The following PTPRQ variants were observed in gnomAD, a reference collection of about 807,000 sequenced individuals.
PTPRQ encodes phosphatidylinositol phosphatase PTPRQ.
In PTPRQ, 199 loss-of-function variants were observed where a neutral mutation model predicts 246.0. That is an observed-to-expected ratio of 0.81 (90% CI 0.72 to 0.91). The LOEUF (loss-of-function observed/expected upper bound fraction) is 0.91, where lower values mean the gene tolerates loss of function less well. Ranked by LOEUF, PTPRQ falls within the 40% of genes least tolerant of loss-of-function variation. The probability of loss-of-function intolerance (pLI) is 0.00; values close to 1 mark genes in which losing one functional copy is unlikely to be tolerated. For missense variants in PTPRQ, 2,624 were observed against 2,528.4 expected, an observed-to-expected ratio of 1.04 and a Z score of -0.81; for synonymous variants, 869 against 853.2, an observed-to-expected ratio of 1.02 and a Z score of -0.32.
chr12:80,558,168 C>CT (rs71094987), intron 25 of PTPRQ, among the ~76,000 whole-genome samples: 2,427 of 34,690 alleles, frequency 0.07, 104 homozygotes, highest in African/African-American at 0.26. Context: ...CTTTTCTTTT[C>CT]TTTCTTTTCT....
intron 26 of PTPRQ, among the ~76,000 whole-genome samples, chr12:80,594,026 TA>T (rs891855309): frequency 2.6e-5 from 4 of 151,790 alleles, no homozygotes; most frequent in African/African-American, 9.7e-5. Flanking sequence ...TCTGTTAGGT[TA>T]AAAAAAATTC....
chr12:80,493,478 A>G (rs945549416), intron 10 of PTPRQ, 23 bp downstream of exon 10: 41 of 1,541,614 alleles, frequency 2.7e-5, no homozygotes, highest in East Asian at 7.4e-5. Context: ...TTGATTTTCT[A>G]TAAAGTTCAT....
chr12:80,669,134 A>G lies in PTPRQ; in HGVS notation c.6320A>G (p.Lys2107Arg). 6.5e-7 allele frequency: 1 copy of G among 1,544,896 alleles called. No individual in the cohort carries two copies. Among genetic ancestry groups the G allele is most frequent in the Non-Finnish European group, 8.7e-7 (1 of 1,144,018 alleles). Residue 2107 changes from lysine to arginine, a missense_variant, in exon 40 of 45, where the codon AAA becomes AGA. Coordinates refer to ENST00000644991, the MANE Select transcript of PTPRQ (RefSeq NM_001145026.2). Reference sequence around the variant, plus strand: ...GTAATGCTAACACAGTGTTTTGAAAAAGGACGGGTAAGTTATTTGAAAATG... The same window carrying G: ...GTAATGCTAACACAGTGTTTTGAAAGAGGACGGGTAAGTTATTTGAAAATG... ...TLVMLTQCFE[K>R]GRIRCHQYWP... is the part of the protein sequence containing the mutation.
At chr12:80,622,022 G>T in intron 32 of PTPRQ, 39 bp from the exon 33 acceptor site, 1 of 1,203,420 alleles carries the variant, frequency 8.3e-7, no homozygotes. Flanking sequence ...AAAATCACAT[G>T]ATATGCAAAG....
At chr12:80,563,866 C>T (rs1007995735) in intron 25 of PTPRQ, among the ~76,000 whole-genome samples, 3 of 152,050 alleles carry the variant, frequency 2.0e-5, no homozygotes, top group South Asian at 2.1e-4. Context: ...TATGATGGTT[C>T]GGTGCCTTAT....
At chr12:80,564,388 A>G (rs1896920746) in intron 25 of PTPRQ, among the ~76,000 whole-genome samples, 1 of 152,088 alleles carries the variant, frequency 6.6e-6, no homozygotes, top group Non-Finnish European at 1.5e-5. Flanking sequence ...GCCTCCTTTC[A>G]TTTATTGTGA....
At chr12:80,462,386 C>G in intron 6 of PTPRQ, 1 of 192,206 alleles carries the variant, frequency 5.2e-6, no homozygotes, top group Non-Finnish European at 1.1e-5. Flanking sequence ...TGGAGCCCAC[C>G]ACAGCTCAAG....
chr12:80,554,153 G>GCA (rs1224589709), intron 25 of PTPRQ, among the ~76,000 whole-genome samples: 2 of 152,076 alleles, frequency 1.3e-5, no homozygotes, highest in African/African-American at 4.8e-5. Context: ...GTATTTGATA[G>GCA]CACAACAGGG....
At chr12:80,672,199 C>A (rs1355840785) in intron 42 of PTPRQ, among the ~76,000 whole-genome samples, 1 of 151,808 alleles carries the variant, frequency 6.6e-6, no homozygotes, top group Non-Finnish European at 1.5e-5. Context: ...TTCCTCTGGA[C>A]TATAAACTCT....
chr12:80,613,946 G>A (rs1898652899), intron 29 of PTPRQ, 110 bp downstream of exon 29: 1 of 1,263,046 alleles, frequency 7.9e-7, no homozygotes, highest in Non-Finnish European at 1.0e-6. Flanking sequence ...ATATCTTTTT[G>A]TGAGATTGTT....
chr12:80,578,454 G>A (rs529223365), intron 25 of PTPRQ, among the ~76,000 whole-genome samples: 1 of 151,818 alleles, frequency 6.6e-6, no homozygotes, highest in African/African-American at 2.4e-5. Context: ...GCAGTGGCGC[G>A]ATCTGGGCTC....
intron 25 of PTPRQ, among the ~76,000 whole-genome samples, chr12:80,577,975 A>T (rs1897319180): frequency 6.6e-6 from 1 of 152,204 alleles, no homozygotes; most frequent in Admixed American, 6.5e-5. Context: ...ATCTCTGAAG[A>T]CATAGTTTTA....
chr12:80,574,778 TATATTA>T (rs1424593093), intron 25 of PTPRQ, among the ~76,000 whole-genome samples: 1 of 152,228 alleles, frequency 6.6e-6, no homozygotes, highest in Non-Finnish European at 1.5e-5. Context: ...GTCAGCTATA[TATATTA>T]ATATACGTGT....
At chr12:80,663,411 G>A (rs748728327) in intron 39 of PTPRQ, among the ~76,000 whole-genome samples, 3 of 151,738 alleles carry the variant, frequency 2.0e-5, no homozygotes, top group Non-Finnish European at 2.9e-5. Flanking sequence ...ATACCCTCCC[G>A]TACGTACTCA....
At chr12:80,490,446 C>T (rs1015305953) in intron 9 of PTPRQ, among the ~76,000 whole-genome samples, 3 of 151,976 alleles carry the variant, frequency 2.0e-5, no homozygotes, top group African/African-American at 7.2e-5. Context: ...TCTCTGAAGA[C>T]TCCTAATTCT....
chr12:80,619,264 T>C (rs1043459345), intron 30 of PTPRQ, 120 bp from the exon 31 acceptor site: 1 of 1,169,446 alleles, frequency 8.6e-7, no homozygotes. Context: ...TCTCTATAAT[T>C]TGTTATTTAT....
intron 7 of PTPRQ, among the ~76,000 whole-genome samples, chr12:80,471,509 G>T (rs1325289401): frequency 1.3e-4 from 2 of 15,436 alleles, no homozygotes; most frequent in African/African-American, 2.8e-4. Context: ...ACAGAGTCTC[G>T]CTCTGTCGCC....
intron 35 of PTPRQ, among the ~76,000 whole-genome samples, chr12:80,646,382 G>A (rs1404376819): frequency 6.6e-6 from 1 of 152,074 alleles, no homozygotes; most frequent in Non-Finnish European, 1.5e-5. Context: ...TTCTAATAAG[G>A]CAATAATTCA....
At chr12:80,558,250 C>A (rs935108545) in intron 25 of PTPRQ, among the ~76,000 whole-genome samples, 1 of 151,448 alleles carries the variant, frequency 6.6e-6, no homozygotes, top group Non-Finnish European at 1.5e-5. Flanking sequence ...TCACTGCAAC[C>A]TCTGCCTCCC....
Sources: gnomAD v4.1 joint callset for allele counts (sites outside exome capture counted in the v4.1 genomes callset) on GRCh38, gnomAD v4.1.1 for gene constraint, MANE v1.5 for transcripts, NCBI Gene and HGNC (gene_info 2026-07-23, HGNC 2026-07-21) for gene names.